Variants in PDK2 observed in about 807,000 individuals in gnomAD.
PDK2 encodes the protein pyruvate dehydrogenase kinase, isozyme 2.
Under a neutral mutation model 50.4 loss-of-function variants are expected in PDK2, and 34 were observed. The observed-to-expected ratio is 0.68, with a 90% confidence interval of 0.51 to 0.90. PDK2 has a LOEUF of 0.90. PDK2 is among the 40% of genes least tolerant of loss of function. The pLI, the probability that PDK2 is intolerant of heterozygous loss-of-function variation, is 0.00. For missense variants in PDK2, 377 were observed against 544.5 expected (o/e 0.69, Z 3.06); for synonymous variants, 232 against 216.0 (o/e 1.07, Z -0.65).
At chr17:50,107,841 A>G (rs970332644) in intron 6 of PDK2, among the ~76,000 whole-genome samples, 1 of 152,146 alleles carries the variant, frequency 6.6e-6, no homozygotes, top group Non-Finnish European at 1.5e-5. Flanking sequence ...GAACCCCAAT[A>G]CCAGTGGCTT....
Position 50,108,841 on chromosome 17 carries a change from A to G in PDK2, c.969+122A>G, listed in dbSNP as rs920236821. 10 of 660,950 alleles carry G rather than the reference A, an allele frequency of 1.5e-5. No individual in the cohort carries two copies. In the East Asian group the frequency reaches 1.6e-4, roughly 11 times the overall value. The allele number at this position is 660,950 out of a possible 1,614,324, so 40.9% of individuals were successfully genotyped here. On this transcript the variant is annotated intron_variant, in intron 9 of 10. Coordinates refer to ENST00000503176, the MANE Select transcript of PDK2 (RefSeq NM_002611.5). ...CGTCTGTGACAGTCACCTGTCTTGA[A>G]TCTGGGCCCCCGCACCTCCCACATC...
chr17:50,097,071 T>A (rs1041407875), intron 1 of PDK2, among the ~76,000 whole-genome samples: 2 of 151,904 alleles, frequency 1.3e-5, no homozygotes. Flanking sequence ...CAGGCTCCTT[T>A]GTCCCCTGGA....
upstream of PDK2, chr17:50,095,330 C>G: frequency 1.4e-6 from 1 of 740,122 alleles, no homozygotes; most frequent in South Asian, 2.0e-5. Flanking sequence ...GGAATGCCCG[C>G]CAGGGCAAGG....
rs541254711 is a variant in PDK2 at position 50,111,114 on chromosome 17, C to T, written c.*1017C>T. The T allele has an allele frequency of 1.0e-4, 16 of 152,500 alleles. No individual in the cohort carries two copies. Among genetic ancestry groups the T allele is most frequent in the African/African-American group, 3.4e-4 (14 of 41,582 alleles). The allele number at this position is 152,500 out of a possible 1,614,324, so 9.4% of individuals were successfully genotyped here. The stretch of plus-strand genomic sequence containing the variant: ...ACCCACACGTGCGCACGTACACACG[C>T]ACACTGCGGTGCCCTGTGACCACCA... On this transcript the variant is annotated 3_prime_UTR_variant, in exon 11 of 11. Transcript: ENST00000503176.
chr17:50,108,614 G>C lies in PDK2; in HGVS notation c.864G>C (p.Met288Ile), dbSNP rs368388043. ...ALGEEDLSIK[M>I]SDRGGGVPLR... The stretch of plus-strand genomic sequence containing the variant: ...CTGACACATCCCATCTCTCCCAGAT[G>C]AGTGACCGAGGTGGGGGTGTTCCCT... The change falls in exon 9 of 11, where the codon ATG becomes ATC. Residue 288 changes from methionine (M) to isoleucine (I), a missense_variant and splice_region_variant. This residue lies in a region of PDK2 where 214 missense variants were observed against 294.0 expected (regional missense o/e 0.73). Coordinates refer to ENST00000503176, the MANE Select transcript of PDK2 (RefSeq NM_002611.5). The C allele has an allele frequency of 6.8e-6, 11 of 1,609,398 alleles. No homozygotes were observed. Among genetic ancestry groups the C allele is most frequent in the Non-Finnish European group, 4.2e-6 (5 of 1,177,294 alleles).
chr17:50,097,724 G>A (rs1910022147), intron 2 of PDK2, 160 bp downstream of exon 2: 1 of 730,848 alleles, frequency 1.4e-6, no homozygotes. Flanking sequence ...GGTCACGTGG[G>A]AATCTGAGGC....
rs781556679 is a variant in PDK2, at chr17:50,110,102, C to T, written c.*5C>T. 3.8e-6 allele frequency: 6 copies of T among 1,594,792 alleles called. No individual in the cohort carries two copies. Among genetic ancestry groups the T allele is most frequent in the East Asian group, 2.3e-5 (1 of 44,262 alleles). On this transcript the variant is annotated 3_prime_UTR_variant, in exon 11 of 11. Coordinates refer to ENST00000503176, the MANE Select transcript of PDK2 (RefSeq NM_002611.5). ...TCCACGTACCGCGTCAGCTAAGGGC[C>T]GCCGTGCATCTGCACCTGAGAGGAC...
chr17:50,102,284 C>T (rs556967852), intron 2 of PDK2, among the ~76,000 whole-genome samples: 1 of 152,200 alleles, frequency 6.6e-6, no homozygotes, highest in Non-Finnish European at 1.5e-5. Flanking sequence ...GGCTGGCAGG[C>T]GCTGCCCGCT....
At chr17:50,105,234 T>G in intron 2 of PDK2, 137 bp from the exon 3 acceptor site, 2 of 503,010 alleles carry the variant, frequency 4.0e-6, no homozygotes, top group Admixed American at 3.9e-5. Context: ...TGGAGAAAAA[T>G]AGTGAGGCGG....
Position 50,109,225 on chromosome 17 carries a change from C to A in PDK2, c.970-62C>A. 1 of 1,036,110 alleles carries A rather than the reference C, an allele frequency of 9.7e-7. No homozygotes were observed. Among genetic ancestry groups the A allele is most frequent in the Non-Finnish European group, 1.5e-6 (1 of 675,308 alleles). 64.2% of individuals were successfully genotyped at this position (1,036,110 alleles called of 1,614,324 possible). ...CACCCTTCCCTCCCTGCATCAGTCCCTGCAGCTCCAGGAGGCCCCTGCCAG... is the reference window on the plus strand; with the variant it reads ...CACCCTTCCCTCCCTGCATCAGTCCATGCAGCTCCAGGAGGCCCCTGCCAG... On this transcript the variant is annotated intron_variant, in intron 9 of 10. Coordinates refer to ENST00000503176, the MANE Select transcript of PDK2 (RefSeq NM_002611.5). The surrounding 1 kb of genome is among the most constrained non-coding windows in gnomAD (Gnocchi z 5.0).
At position 50,095,868 on chromosome 17, in the gene PDK2, C is replaced by T. The variant is rs998405397; in HGVS notation, c.118+315C>T. The T allele has an allele frequency of 4.4e-5, 41 of 934,698 alleles. No individual in the cohort carries two copies. The African/African-American group carries it at 6.5e-4, about 15-fold the overall frequency. The allele number at this position is 934,698 out of a possible 1,614,324, so 57.9% of individuals were successfully genotyped here. A position where few individuals can be genotyped will look rare whatever the true frequency, so the allele number is the denominator to read the frequency against. The stretch of plus-strand genomic sequence containing the variant: ...GGAAGGGAGTAGGGTGGTATCCAGA[C>T]GCGAAAGGGTTAATGGGAGTTGTCC... On this transcript the variant is annotated intron_variant, in intron 1 of 10. Transcript: ENST00000503176.
At chr17:50,096,403 C>A (rs1395529430) in intron 1 of PDK2, 5 of 659,812 alleles carry the variant, frequency 7.6e-6, no homozygotes, top group Admixed American at 6.3e-5. Flanking sequence ...GTGGTATTTC[C>A]ATGGTGCCAG....
At chr17:50,100,128 C>A (rs1197632213) in intron 2 of PDK2, among the ~76,000 whole-genome samples, 1 of 152,188 alleles carries the variant, frequency 6.6e-6, no homozygotes, top group Admixed American at 6.5e-5. Flanking sequence ...GAGTAAGAAG[C>A]AAACCCTCCT....
chr17:50,097,661 G>A, intron 2 of PDK2, 97 bp downstream of exon 2: 1 of 1,458,480 alleles, frequency 6.9e-7, no homozygotes, highest in Non-Finnish European at 9.4e-7. Flanking sequence ...CTTTGAGGGT[G>A]GGGTGGGGAC....
rs745881868 is a variant in PDK2, at chr17:50,109,416, G to A, written c.1083+16G>A. 24 of 1,537,258 alleles carry A rather than the reference G, an allele frequency of 1.6e-5. No individual in the cohort carries two copies. Among genetic ancestry groups the A allele is most frequent in the South Asian group, 6.8e-5 (6 of 88,004 alleles). ...CTATCTCAAGGTGAGGGCCCTTCCC[G>A]CAGAGCCCAGCTGGAGAAGAGCTTT... On this transcript the variant is annotated intron_variant, in intron 10 of 10. Transcript: ENST00000503176. This position sits in a 1 kb window ranked among gnomAD's most constrained non-coding sequence, Gnocchi z 5.0.
intron 5 of PDK2, 70 bp from the exon 6 acceptor site, chr17:50,107,006 A>T: frequency 6.8e-7 from 1 of 1,469,274 alleles, no homozygotes; most frequent in Non-Finnish European, 9.5e-7. Context: ...GGTGGTCCCC[A>T]GTATCAATGT....
chr17:50,106,113 C>T (rs1216228282), intron 4 of PDK2, 44 bp downstream of exon 4: 36 of 1,555,138 alleles, frequency 2.3e-5, no homozygotes, highest in African/African-American at 2.7e-5. Context: ...GTGGGGGGGG[C>T]GGTGCTGGGG....
At position 50,107,252 on chromosome 17, in the gene PDK2, G is replaced by C. The variant is rs1367768502; in HGVS notation, c.685+99G>C. On this transcript the variant is annotated intron_variant, in intron 6 of 10. Coordinates refer to ENST00000503176, the MANE Select transcript of PDK2 (RefSeq NM_002611.5). ...AGGAGATGGACTGTTTTCTAGACAG[G>C]GGAGAAGCAGAGTTATTATATTATT... The C allele has an allele frequency of 5.5e-5, 47 of 856,196 alleles. 1 individual carries two copies. In the East Asian group the frequency reaches 1.1e-3, roughly 21 times the overall value. 53.0% of individuals were successfully genotyped at this position (856,196 alleles called of 1,614,324 possible). A position where few individuals can be genotyped will look rare whatever the true frequency, so the allele number is the denominator to read the frequency against.
chr17:50,106,103 G>T (rs1285895277), intron 4 of PDK2, 34 bp downstream of exon 4: 11 of 1,564,156 alleles, frequency 7.0e-6, no homozygotes, highest in Admixed American at 3.8e-5. Context: ...GGAGCGGGCG[G>T]TGGGGGGGGC....
Sources: allele counts gnomAD v4.1 joint callset (sites outside exome capture counted in the v4.1 genomes callset), GRCh38; gene constraint gnomAD v4.1.1; regional missense constraint gnomAD v4.1.1; non-coding constraint Gnocchi (gnomAD v3.1); transcripts MANE v1.5; gene names NCBI Gene and HGNC (gene_info 2026-07-23, HGNC 2026-07-21).